PCDHA7: variants seen among roughly 807,000 people sequenced by gnomAD.
PCDHA7 encodes the protein protocadherin alpha-7.
In PCDHA7, 37 loss-of-function variants were observed where a neutral mutation model predicts 57.2. That is an observed-to-expected ratio of 0.65 (90% CI 0.50 to 0.85). The LOEUF (loss-of-function observed/expected upper bound fraction) is 0.85. PCDHA7 is among the 40% of genes least tolerant of loss of function. The pLI is 0.00. For synonymous variants in PCDHA7, 553 were observed against 558.8 expected (o/e 0.99, Z 0.15); for missense variants, 1,188 against 1,241.8 (o/e 0.96, Z 0.65).
At chr5:140,919,518 T>C (rs1027780107) in intron 1 of PCDHA7, among the ~76,000 whole-genome samples, 1 of 152,194 alleles carries the variant, frequency 6.6e-6, no homozygotes. Context: ...TATGTTTTAA[T>C]TCTCTTTTTT....
intron 1 of PCDHA7, chr5:140,883,720 A>G (rs782338608): frequency 4.3e-6 from 7 of 1,613,566 alleles, no homozygotes; most frequent in Middle Eastern, 1.7e-4. Flanking sequence ...ACGCGGACGC[A>G]CAGGAGAACG....
In PCDHA7 at chr5:140,839,872, A is replaced by G. The variant is rs1331265354; in HGVS notation, c.2355+3134A>G. ...TTACTTTTGAGGTGGACTTTGAAAG[A>G]TGAATAGAATTTTGACAGAAAAAGA... is the stretch of plus-strand genomic sequence containing the variant. On this transcript the variant is annotated intron_variant, in intron 1 of 3. Coordinates refer to ENST00000525929, the MANE Select transcript of PCDHA7 (RefSeq NM_018910.3). Among the ~76,000 whole-genome samples, 10 of 152,164 alleles carry G rather than the reference A, an allele frequency of 6.6e-5. 1 individual carries two copies. Among genetic ancestry groups the G allele is most frequent in the African/African-American group, 1.9e-4 (8 of 41,502 alleles).
chr5:140,886,129 A>G (rs1428853250), intron 1 of PCDHA7, among the ~76,000 whole-genome samples: 1 of 152,224 alleles, frequency 6.6e-6, no homozygotes, highest in Non-Finnish European at 1.5e-5. Flanking sequence ...TTCCGTAACA[A>G]CCAGATTCTT....
rs2150259168 is a variant in PCDHA7 at position 140,836,378 on chromosome 5, G to C, written c.1995G>C (p.Val665=). 8.1e-6 allele frequency: 13 copies of C among 1,613,632 alleles called. No individual in the cohort carries two copies. Among genetic ancestry groups the C allele is most frequent in the Non-Finnish European group, 1.1e-5 (13 of 1,179,862 alleles). ...GEPSLTATAT[V]LVSLVESGQA... is the part of the protein sequence containing the mutation. ...CCTCGCTGACAGCCACAGCCACCGT[G>C]CTGGTGTCGCTGGTGGAAAGCGGCC... The change falls in exon 1 of 4, where the codon GTG becomes GTC. Residue 665 remains valine (V), a synonymous_variant. Transcript: ENST00000525929.
intron 1 of PCDHA7, among the ~76,000 whole-genome samples, chr5:140,972,762 A>G (rs1048509158): frequency 4.7e-5 from 7 of 150,026 alleles, no homozygotes; most frequent in African/African-American, 1.7e-4. Context: ...CTCCCAAGTT[A>G]AAGTGATTCT....
intron 1 of PCDHA7, among the ~76,000 whole-genome samples, chr5:140,941,848 G>A (rs2093183003): frequency 6.6e-6 from 1 of 152,142 alleles, no homozygotes; most frequent in South Asian, 2.1e-4. Flanking sequence ...GCCATTACCT[G>A]ATATTCCCTA....
intron 1 of PCDHA7, among the ~76,000 whole-genome samples, chr5:140,898,264 C>T (rs1360270871): frequency 6.6e-6 from 1 of 152,166 alleles, no homozygotes; most frequent in Non-Finnish European, 1.5e-5. Context: ...AGTCCTTGCC[C>T]ATGCCTAAGT....
chr5:140,930,092 A>G (rs1554207604), intron 1 of PCDHA7: 1 of 152,204 alleles, frequency 6.6e-6, no homozygotes, highest in East Asian at 1.9e-4. Context: ...ACATCTATTT[A>G]TACTGATAGG....
rs1433865569 is a variant in PCDHA7 at position 140,834,516 on chromosome 5, G to A, written c.133G>A (p.Val45Met). The A allele has an allele frequency of 3.1e-6, 5 of 1,613,992 alleles. No homozygotes were observed. The highest frequency in any genetic ancestry group is 2.7e-5 in the African/African-American group (2 of 74,946). Residue 45 changes from valine to methionine, a missense_variant, in exon 1 of 4, where the codon GTG becomes ATG. Transcript: ENST00000525929. ...VPEEAKHGNFVGRIAQDLGLE... is the reference protein window; with the variant it reads ...VPEEAKHGNFMGRIAQDLGLE... ...CGAGGAGGCTAAACATGGCAACTTC[G>A]TGGGCCGCATCGCGCAGGACCTGGG...
intron 1 of PCDHA7, chr5:140,858,254 A>G (rs1325415176): frequency 6.3e-7 from 1 of 1,596,926 alleles, no homozygotes; most frequent in Non-Finnish European, 8.6e-7. Flanking sequence ...GGTGAAGCCC[A>G]CGCTGGTGTG....
In PCDHA7 at chr5:140,852,619, G is replaced by C. The variant is rs147501708; in HGVS notation, c.2355+15881G>C. On this transcript the variant is annotated intron_variant, in intron 1 of 3. Transcript: ENST00000525929. ...TGTCATTTTCTTTCAAAACTTGAGT[G>C]GTCTCTGAGCTCCTGTCATTAAACC... The C allele has an allele frequency of 3.4e-4, 315 of 937,802 alleles. 5 individuals carry two copies. The East Asian group carries it at 0.027, about 79-fold the overall frequency. The allele number at this position is 937,802 out of a possible 1,614,324, so 58.1% of individuals were successfully genotyped here.
intron 1 of PCDHA7, chr5:140,882,238 G>T: frequency 6.3e-7 from 1 of 1,583,494 alleles, no homozygotes; most frequent in Non-Finnish European, 8.6e-7. Context: ...TGTATATATT[G>T]CAGATAGCTC....
chr5:140,869,330 A>G (rs1554162906), intron 1 of PCDHA7: 25 of 1,613,778 alleles, frequency 1.5e-5, no homozygotes, highest in Non-Finnish European at 2.0e-5. Context: ...GACCTTCTGG[A>G]GGTAAATCTG....
chr5:140,961,236 T>G (rs246004), intron 1 of PCDHA7, among the ~76,000 whole-genome samples: 1 of 151,942 alleles, frequency 6.6e-6, no homozygotes, highest in African/African-American at 2.4e-5. Context: ...AAAAAGGTGA[T>G]GGAATTTATC....
chr5:141,010,226 C>G lies in PCDHA7; in HGVS notation c.*289C>G, dbSNP rs1386050566. The G allele has an allele frequency of 1.3e-6, 2 of 1,551,706 alleles. No individual in the cohort carries two copies. Among genetic ancestry groups the G allele is most frequent in the Non-Finnish European group, 1.7e-6 (2 of 1,147,032 alleles). ...CGCCGCAAAGGAGAGGCTTCCCAGC[C>G]CCGCCAGTGAGAGGTTGGACTCTCT... On this transcript the variant is annotated 3_prime_UTR_variant, in exon 4 of 4. Coordinates refer to ENST00000525929, the MANE Select transcript of PCDHA7 (RefSeq NM_018910.3).
chr5:140,884,158 G>A (rs376345503), intron 1 of PCDHA7: 8 of 1,613,488 alleles, frequency 5.0e-6, no homozygotes, highest in African/African-American at 1.3e-5. Context: ...ACACTGGCGA[G>A]ATCAGCACGA....
chr5:140,870,555 G>A (rs1554164406), intron 1 of PCDHA7: 1 of 1,613,926 alleles, frequency 6.2e-7, no homozygotes, highest in Non-Finnish European at 8.5e-7. Context: ...CGGACGCGCA[G>A]GAGAACGCGC....
At chr5:140,849,106 A>C (rs2150430593) in intron 1 of PCDHA7, 1 of 1,455,018 alleles carries the variant, frequency 6.9e-7, no homozygotes, top group South Asian at 1.2e-5. Flanking sequence ...GACAGAGAAG[A>C]AACTCCGGAG....
At chr5:140,902,933 T>C (rs898632295) in intron 1 of PCDHA7, among the ~76,000 whole-genome samples, 56 of 152,346 alleles carry the variant, frequency 3.7e-4, no homozygotes, top group African/African-American at 1.2e-3. Flanking sequence ...GGTGTATATA[T>C]ACCACATTTT....
Sources: allele counts gnomAD v4.1 joint callset (sites outside exome capture counted in the v4.1 genomes callset), GRCh38; gene constraint gnomAD v4.1.1; transcripts MANE v1.5; gene names NCBI Gene and HGNC (gene_info 2026-07-23, HGNC 2026-07-21).